Variants in AUTS2 observed in about 807,000 individuals in gnomAD.
The protein encoded by AUTS2 is activator of transcription and developmental regulator AUTS2.
AUTS2 carries 17 observed loss-of-function variants against 112.4 expected under a neutral mutation model. The observed-to-expected ratio is 0.15, with a 90% CI of 0.10 to 0.23. The LOEUF is 0.23. Ranked by LOEUF, AUTS2 falls within the 10% of genes least tolerant of loss-of-function variation. The pLI is 1.00. For synonymous variants in AUTS2, 751 were observed against 702.7 expected, an observed-to-expected ratio of 1.07 and a Z score of -1.09; for missense variants, 1,510 against 1,701.6, an observed-to-expected ratio of 0.89 and a Z score of 1.98.
intron 4 of AUTS2, among the ~76,000 whole-genome samples, chr7:70,250,795 T>C (rs1786550156): frequency 1.3e-5 from 2 of 152,058 alleles, no homozygotes; most frequent in South Asian, 4.2e-4. Flanking sequence ...TTCTCACCTA[T>C]GAGTGGGAGC....
At chr7:70,271,450 T>C (rs1329205798) in intron 4 of AUTS2, among the ~76,000 whole-genome samples, 1 of 152,100 alleles carries the variant, frequency 6.6e-6, no homozygotes. Flanking sequence ...CTCTTGCGAA[T>C]TGTTGTTTCT....
chr7:70,138,192 C>G (rs1806672797), intron 4 of AUTS2, among the ~76,000 whole-genome samples: 1 of 152,190 alleles, frequency 6.6e-6, no homozygotes, highest in Admixed American at 6.5e-5. Flanking sequence ...ATATATTCCA[C>G]TTTTATGAAC....
chr7:70,775,675 G>A (rs1790641034), intron 13 of AUTS2, among the ~76,000 whole-genome samples: 1 of 152,096 alleles, frequency 6.6e-6, no homozygotes, highest in Admixed American at 6.5e-5. Context: ...GAACTTAAGG[G>A]GAAAGACTGA....
rs572559239 is a variant in AUTS2, at chr7:69,598,553, G to GGCA, written c.-1089_-1087dup. The GGCA allele has an allele frequency of 0.017, 2,878 of 172,640 alleles. 69 individuals carry two copies. Among genetic ancestry groups the GGCA allele is most frequent in the African/African-American group, 0.059 (2,435 of 41,238 alleles). The allele number at this position is 172,640 out of a possible 1,614,324, so 10.7% of individuals were successfully genotyped here. A position where few individuals can be genotyped will look rare whatever the true frequency, so the allele number is the denominator to read the frequency against. On this transcript the variant is annotated 5_prime_UTR_variant, in exon 1 of 19. Transcript: ENST00000342771. ...TCGGGGCTTTCTCGGCGGCGGCGGCGGCAGCAGCAGCAGCGTTAGCGGCGG... is the reference window on the plus strand; with the variant it reads ...TCGGGGCTTTCTCGGCGGCGGCGGCGGCAGCAGCAGCAGCAGCGTTAGCGGCGG...
chr7:69,762,053 A>C lies in AUTS2; in HGVS notation c.310-137233A>C, dbSNP rs1391002056. Among the ~76,000 whole-genome samples the C allele has an allele frequency of 2.0e-5, 3 of 152,130 alleles. No individual in the cohort carries two copies. The East Asian group carries it at 5.8e-4, about 29-fold the overall frequency. ...TGGAATTTATATCCTAGTGGACTATAAATTACAATGTTCACTATTTGAGAG... is the reference window on the plus strand; with the variant it reads ...TGGAATTTATATCCTAGTGGACTATCAATTACAATGTTCACTATTTGAGAG... On this transcript the variant is annotated intron_variant, in intron 1 of 18. Coordinates refer to ENST00000342771, the MANE Select transcript of AUTS2 (RefSeq NM_015570.4).
At chr7:69,926,761 A>T (rs922277091) in intron 2 of AUTS2, among the ~76,000 whole-genome samples, 2 of 147,290 alleles carry the variant, frequency 1.4e-5, no homozygotes, top group African/African-American at 4.9e-5. Context: ...AATACTATAT[A>T]TACACTATAT....
chr7:70,049,475 AC>A (rs1188936360), intron 2 of AUTS2, among the ~76,000 whole-genome samples: 1 of 151,770 alleles, frequency 6.6e-6, no homozygotes, highest in Non-Finnish European at 1.5e-5. Flanking sequence ...GATTACAGGT[AC>A]CTGCCACCAC....
intron 2 of AUTS2, among the ~76,000 whole-genome samples, chr7:70,111,764 ATCT>A (rs2129571498): frequency 6.6e-6 from 1 of 152,250 alleles, no homozygotes; most frequent in East Asian, 1.9e-4. Context: ...ATGTTGTTAA[ATCT>A]TCTTAAAAAC....
intron 4 of AUTS2, among the ~76,000 whole-genome samples, chr7:70,378,550 C>T (rs903337639): frequency 2.0e-5 from 3 of 152,100 alleles, no homozygotes. Context: ...CTGTGTGCTA[C>T]AGAAAAGGAA....
intron 4 of AUTS2, among the ~76,000 whole-genome samples, chr7:70,198,683 G>A (rs1206991467): frequency 3.5e-5 from 1 of 28,444 alleles, no homozygotes; most frequent in East Asian, 8.8e-4. Context: ...AAGAAATATG[G>A]GACTATGTGA....
At chr7:69,737,781 G>C (rs907357187) in intron 1 of AUTS2, among the ~76,000 whole-genome samples, 3 of 152,118 alleles carry the variant, frequency 2.0e-5, no homozygotes, top group African/African-American at 7.2e-5. Context: ...TTGTTACAGT[G>C]AACCCAAACA....
chr7:70,164,512 G>A (rs536565606), intron 4 of AUTS2, among the ~76,000 whole-genome samples: 22 of 152,218 alleles, frequency 1.4e-4, no homozygotes, highest in African/African-American at 5.1e-4. Context: ...TTTAGAGAAT[G>A]TTCTTCGATT....
At chr7:69,787,850 C>G (rs538274075) in intron 1 of AUTS2, among the ~76,000 whole-genome samples, 1 of 139,096 alleles carries the variant, frequency 7.2e-6, no homozygotes, top group South Asian at 2.4e-4. Context: ...GCTGGGCTTA[C>G]AGGCGTTGAG....
intron 6 of AUTS2, among the ~76,000 whole-genome samples, chr7:70,736,221 C>T (rs1787774287): frequency 6.6e-6 from 1 of 151,814 alleles, no homozygotes; most frequent in African/African-American, 2.4e-5. Flanking sequence ...AGGTCTTCAT[C>T]TTACACCGGA....
chr7:69,796,604 T>C (rs1284169945), intron 1 of AUTS2, among the ~76,000 whole-genome samples: 2 of 152,054 alleles, frequency 1.3e-5, no homozygotes, highest in Admixed American at 6.5e-5. Context: ...TTGGACATTT[T>C]TGTGGTGTGG....
intron 1 of AUTS2, among the ~76,000 whole-genome samples, chr7:69,698,659 G>C (rs1157586503): frequency 6.6e-6 from 1 of 152,138 alleles, no homozygotes; most frequent in Non-Finnish European, 1.5e-5. Flanking sequence ...AGAAACATAT[G>C]AGTGATCCCA....
intron 5 of AUTS2, among the ~76,000 whole-genome samples, chr7:70,634,409 C>T (rs1007851678): frequency 1.3e-5 from 2 of 152,178 alleles, no homozygotes; most frequent in Admixed American, 6.5e-5. Flanking sequence ...CACTTTCCAG[C>T]GATCCACCTT....
At chr7:70,471,590 G>C (rs940304332) in intron 5 of AUTS2, among the ~76,000 whole-genome samples, 1 of 151,998 alleles carries the variant, frequency 6.6e-6, no homozygotes, top group Non-Finnish European at 1.5e-5. Context: ...TAGGCGCTGG[G>C]GATATTAATA....
intron 6 of AUTS2, among the ~76,000 whole-genome samples, chr7:70,721,489 C>T (rs903032486): frequency 9.2e-5 from 14 of 152,006 alleles, no homozygotes; most frequent in African/African-American, 2.7e-4. Flanking sequence ...TAGTAGAGAC[C>T]GGTTTTCACC....
Sources: allele counts gnomAD v4.1 joint callset (sites outside exome capture counted in the v4.1 genomes callset), GRCh38; gene constraint gnomAD v4.1.1; transcripts MANE v1.5; gene names NCBI Gene and HGNC (gene_info 2026-07-23, HGNC 2026-07-21).